The following RNF130 variants were observed in gnomAD, a reference collection of about 807,000 sequenced individuals.
RNF130 encodes the protein ring finger protein 130.
Under a neutral mutation model 44.6 loss-of-function variants are expected in RNF130, and 21 were observed. That is an observed-to-expected ratio of 0.47 (90% CI 0.33 to 0.68). The LOEUF is 0.68. RNF130 is among the 30% of genes least tolerant of loss of function. The probability of loss-of-function intolerance (pLI) is 0.02; values close to 1 mark genes in which losing one functional copy is unlikely to be tolerated. For missense variants in RNF130, 479 were observed against 560.6 expected, an observed-to-expected ratio of 0.85 and a Z score of 1.47; for synonymous variants, 214 against 210.4, an observed-to-expected ratio of 1.02 and a Z score of -0.15.
chr5:179,971,328 G>C (rs1459705645), intron 5 of RNF130, among the ~76,000 whole-genome samples: 12 of 152,190 alleles, frequency 7.9e-5, no homozygotes, highest in Non-Finnish European at 1.3e-4. Context: ...GGGCAGCTTT[G>C]GAAGAAACAC....
intron 1 of RNF130, among the ~76,000 whole-genome samples, chr5:180,044,619 G>A (rs1441632522): frequency 2.0e-5 from 3 of 152,220 alleles, no homozygotes; most frequent in Middle Eastern, 6.8e-3. Flanking sequence ...AGATCATGGG[G>A]TCATGAGTTC....
At chr5:180,046,899 C>T (rs1764578298) in intron 1 of RNF130, among the ~76,000 whole-genome samples, 1 of 151,982 alleles carries the variant, frequency 6.6e-6, no homozygotes. Flanking sequence ...GCATCTCCTG[C>T]GAATATGTCT....
At position 179,955,637 on chromosome 5, in the gene RNF130, A is replaced by G. The variant is rs773573028; in HGVS notation, c.*17T>C. On this transcript the variant is annotated 3_prime_UTR_variant, in exon 9 of 9. Transcript: ENST00000521389. ...TCCTTCAAGGCAAAATCAGTCAGAA[A>G]GCAGGTTTTTTCTTCTTCAAAACCA... is the stretch of plus-strand genomic sequence containing the variant. 6.3e-7 allele frequency: 1 copy of G among 1,585,602 alleles called. No homozygotes were observed. Among genetic ancestry groups the G allele is most frequent in the Non-Finnish European group, 8.6e-7 (1 of 1,166,984 alleles).
At chr5:179,951,391 T>TC (rs1394652796), downstream of RNF130, among the ~76,000 whole-genome samples, 1 of 150,452 alleles carries the variant, frequency 6.6e-6, no homozygotes, top group African/African-American at 2.4e-5. Context: ...AGGTTTTTGT[T>TC]TTTTTTTTTT....
intron 1 of RNF130, among the ~76,000 whole-genome samples, chr5:180,047,287 CTTAATT>C (rs1327219454): frequency 6.6e-6 from 1 of 152,106 alleles, no homozygotes; most frequent in Admixed American, 6.5e-5. Flanking sequence ...TTATCAATTT[CTTAATT>C]TTATTTTTAA....
Position 180,071,651 on chromosome 5 carries a change from G to T in RNF130, c.52C>A (p.Leu18Met), listed in dbSNP as rs1480500383. 6.8e-7 allele frequency: 1 copy of T among 1,469,966 alleles called. No homozygotes were observed. The highest frequency in any genetic ancestry group is 9.0e-7 in the Non-Finnish European group (1 of 1,109,716). 91.1% of individuals were successfully genotyped at this position (1,469,966 alleles called of 1,614,324 possible). A position where few individuals can be genotyped will look rare whatever the true frequency, so the allele number is the denominator to read the frequency against. ...GPARLAALAL[L>M]TCSLWPARAD... ...CGTGCCGGCCACAGGCTGCAGGTCA[G>T]CAGGGCGAGCGCGGCGAGCCGGGCA... Residue 18 changes from leucine to methionine, a missense_variant, in exon 1 of 9, where the codon CTG (leucine) becomes ATG (methionine). Coordinates refer to ENST00000521389, the MANE Select transcript of RNF130 (RefSeq NM_018434.6).
chr5:179,994,540 AGGATTGTT>A (rs766685643), intron 3 of RNF130, among the ~76,000 whole-genome samples: 2 of 152,098 alleles, frequency 1.3e-5, no homozygotes, highest in Non-Finnish European at 2.9e-5. Context: ...TAATTTGAGT[AGGATTGTT>A]TGACTTTGCT....
At chr5:179,934,652 T>A (rs556037313) in intron 7 of RNF130, among the ~76,000 whole-genome samples, 3 of 151,458 alleles carry the variant, frequency 2.0e-5, no homozygotes, top group Non-Finnish European at 4.4e-5. Context: ...CAAGTGATCC[T>A]GCTGCCTCAG....
rs570048544 is a variant in RNF130 at position 180,055,477 on chromosome 5, C to T, written c.248-14830G>A. Among the ~76,000 whole-genome samples the T allele has an allele frequency of 2.2e-3, 337 of 151,556 alleles. 1 individual carries two copies. The highest frequency in any genetic ancestry group is 4.1e-3 in the Admixed American group (62 of 15,222). On this transcript the variant is annotated intron_variant, in intron 1 of 8. Transcript: ENST00000521389. ...GCGTGTGTGTGTGTGTGTGCGCGCG[C>T]GCACGCGTATGTGTCTGTGTGTCTG...
downstream of RNF130, among the ~76,000 whole-genome samples, chr5:179,951,688 T>TA (rs1172415810): frequency 2.4e-4 from 36 of 152,278 alleles, no homozygotes; most frequent in African/African-American, 8.2e-4. Context: ...CCTTAATAAA[T>TA]TTATGATTGA....
intron 3 of RNF130, among the ~76,000 whole-genome samples, chr5:179,985,731 G>A (rs1481005377): frequency 6.6e-6 from 1 of 152,086 alleles, no homozygotes; most frequent in Non-Finnish European, 1.5e-5. Flanking sequence ...ATCAATAAGG[G>A]CAGTCTTGAT....
At position 179,934,117 on chromosome 5, in the gene RNF130, A is replaced by G. The variant is rs77134873; in HGVS notation, c.1151-13691T>C. The G allele has an allele frequency of 2.6e-3, 668 of 253,796 alleles. 6 individuals are homozygous for G. The highest frequency in any genetic ancestry group is 0.011 in the East Asian group (98 of 8,784). 15.7% of individuals were successfully genotyped at this position (253,796 alleles called of 1,614,324 possible). ...GAAGACGACTTTGAAGCACGGCCTA[A>G]TAAGAACCTGGTGTTTGCCTCTCCT... On this transcript the variant is annotated intron_variant, in intron 7 of 7. Coordinates refer to the RNF130 transcript ENST00000522208.
chr5:179,993,793 C>T (rs541905623), intron 3 of RNF130, among the ~76,000 whole-genome samples: 5 of 152,244 alleles, frequency 3.3e-5, no homozygotes, highest in Non-Finnish European at 7.4e-5. Context: ...GACATGAAGT[C>T]CTTGCCCATG....
intron 7 of RNF130, among the ~76,000 whole-genome samples, chr5:179,940,527 G>A (rs1761957070): frequency 6.6e-6 from 1 of 152,150 alleles, no homozygotes; most frequent in African/African-American, 2.4e-5. Flanking sequence ...ATGAGCCACT[G>A]TGCCCGGCCC....
At chr5:180,012,964 T>C in intron 3 of RNF130, 97 bp downstream of exon 3, 1 of 1,417,264 alleles carries the variant, frequency 7.1e-7, no homozygotes, top group Non-Finnish European at 9.5e-7. Context: ...AACAACATTT[T>C]TTAAAAGAAA....
At chr5:179,998,307 TCTC>T (rs1436679707) in intron 3 of RNF130, among the ~76,000 whole-genome samples, 1 of 152,190 alleles carries the variant, frequency 6.6e-6, no homozygotes. Context: ...AATTTTAAAG[TCTC>T]CTTCCTAATT....
chr5:179,940,770 T>C (rs939944704), intron 7 of RNF130, among the ~76,000 whole-genome samples: 1 of 152,146 alleles, frequency 6.6e-6, no homozygotes, highest in African/African-American at 2.4e-5. Context: ...AAAAATTGTG[T>C]CATTATCTCT....
chr5:180,030,004 C>T (rs1011051839), intron 2 of RNF130, among the ~76,000 whole-genome samples: 5 of 148,702 alleles, frequency 3.4e-5, no homozygotes, highest in Admixed American at 1.4e-4. Flanking sequence ...TGTACCACCA[C>T]GCCCGGCTAA....
intron 2 of RNF130, among the ~76,000 whole-genome samples, chr5:180,016,900 G>A (rs1245856778): frequency 6.6e-6 from 1 of 152,182 alleles, no homozygotes; most frequent in African/African-American, 2.4e-5. Context: ...TCCCTCCTAA[G>A]AACAAGGCTA....
Sources: allele counts gnomAD v4.1 joint callset (sites outside exome capture counted in the v4.1 genomes callset), GRCh38; gene constraint gnomAD v4.1.1; transcripts MANE v1.5; gene names NCBI Gene and HGNC (gene_info 2026-07-23, HGNC 2026-07-21).